The following PRR11 variants were observed in gnomAD, a reference collection of about 807,000 sequenced individuals.
PRR11 encodes proline-rich protein 11.
A neutral mutation model predicts 45.6 loss-of-function variants in PRR11; 30 were observed. The observed-to-expected ratio is 0.66, with a 90% CI of 0.49 to 0.89. The LOEUF is 0.89. PRR11 is among the 40% of genes least tolerant of loss of function. PRR11 has a pLI of 0.00. For missense variants in PRR11, 373 were observed against 424.8 expected (o/e 0.88, Z 1.07); for synonymous variants, 128 against 153.5 (o/e 0.83, Z 1.23).
chr17:59,198,879 A>G (rs1156520277), intron 9 of PRR11, among the ~76,000 whole-genome samples: 1 of 152,134 alleles, frequency 6.6e-6, no homozygotes, highest in Non-Finnish European at 1.5e-5. Flanking sequence ...TATCATGTCT[A>G]TCTGTAAATG....
chr17:59,168,313 C>T (rs147701677), intron 1 of PRR11, among the ~76,000 whole-genome samples: 144 of 151,410 alleles, frequency 9.5e-4, no homozygotes, highest in African/African-American at 3.4e-3. Flanking sequence ...GGACCACAGG[C>T]ACCGTGCCAC....
At chr17:59,181,848 C>T in intron 2 of PRR11, 5 of 1,474,906 alleles carry the variant, frequency 3.4e-6, no homozygotes, top group Non-Finnish European at 4.6e-6. Context: ...CCTCCCCAGC[C>T]TTGCAGACTG....
chr17:59,180,496 G>GTTTTTTTTTTT (rs746347460), intron 2 of PRR11, among the ~76,000 whole-genome samples: 26 of 101,362 alleles, frequency 2.6e-4, no homozygotes, highest in African/African-American at 1.3e-3. Flanking sequence ...GCCCGTCCTT[G>GTTTTTTTTTTT]TTTTTTTTTT....
At chr17:59,181,847 C>A (rs373518780) in intron 2 of PRR11, 1 of 1,475,272 alleles carries the variant, frequency 6.8e-7, no homozygotes. Context: ...TCCTCCCCAG[C>A]CTTGCAGACT....
At chr17:59,183,072 T>G (rs1483385919) in intron 2 of PRR11, among the ~76,000 whole-genome samples, 1 of 152,154 alleles carries the variant, frequency 6.6e-6, no homozygotes, top group Non-Finnish European at 1.5e-5. Flanking sequence ...GGTTGGAATC[T>G]CTGATGTCAT....
Position 59,193,664 on chromosome 17 carries a change from C to T in PRR11, c.575C>T (p.Pro192Leu), listed in dbSNP as rs1253043482. Residue 192 changes from proline to leucine, a missense_variant, in exon 5 of 10, where the codon CCT becomes CTT. Transcript: ENST00000262293. Reference sequence around the variant, plus strand: ...TTTCCTCCTCCTCCTCCACCTCCACCTCTGCCACCTCCTCCACCACCACTA... The same window carrying T: ...TTTCCTCCTCCTCCTCCACCTCCACTTCTGCCACCTCCTCCACCACCACTA... ...SHFPPPPPPP[P>L]LPPPPPPLAP... The T allele has an allele frequency of 1.2e-6, 2 of 1,614,152 alleles. No homozygotes were observed. Among genetic ancestry groups the T allele is most frequent in the Non-Finnish European group, 1.7e-6 (2 of 1,179,984 alleles).
intron 7 of PRR11, 93 bp from the exon 8 acceptor site, chr17:59,197,451 C>A: frequency 8.5e-7 from 1 of 1,174,384 alleles, no homozygotes; most frequent in Non-Finnish European, 1.2e-6. Flanking sequence ...CAAGGTTTCA[C>A]CGTGTTAGCA....
intron 4 of PRR11, among the ~76,000 whole-genome samples, chr17:59,187,480 G>A (rs1445400110): frequency 6.6e-6 from 1 of 152,086 alleles, no homozygotes. Context: ...TGAGGCAGGT[G>A]AATTGCTTGA....
chr17:59,181,908 G>A, intron 2 of PRR11: 1 of 1,201,442 alleles, frequency 8.3e-7, no homozygotes. Context: ...TCAACCCCAT[G>A]AGCCGCTCCT....
At chr17:59,181,960 C>G (rs181504660) in intron 2 of PRR11, among the ~76,000 whole-genome samples, 2 of 151,422 alleles carry the variant, frequency 1.3e-5, no homozygotes, top group Non-Finnish European at 2.9e-5. Context: ...CAGAACACTT[C>G]TTCATGTCCT....
intron 2 of PRR11, among the ~76,000 whole-genome samples, chr17:59,171,586 A>G (rs1568319594): frequency 6.6e-6 from 1 of 152,134 alleles, no homozygotes; most frequent in Non-Finnish European, 1.5e-5. Context: ...TTACAGGAAC[A>G]GTATCCAAAA....
At chr17:59,178,384 A>T (rs2046760914) in intron 2 of PRR11, 1 of 451,700 alleles carries the variant, frequency 2.2e-6, no homozygotes, top group African/African-American at 2.0e-5. Flanking sequence ...CTGGAGGGAG[A>T]GAAGAGAGGA....
rs1406151271 is a variant in PRR11, at chr17:59,202,366, G to A, written c.*735G>A. 1.3e-5 allele frequency: 2 copies of A among 152,126 alleles called. No individual in the cohort carries two copies. The highest frequency in any genetic ancestry group is 2.9e-5 in the Non-Finnish European group (2 of 68,038). 9.4% of individuals were successfully genotyped at this position (152,126 alleles called of 1,614,324 possible). A position where few individuals can be genotyped will look rare whatever the true frequency, so the allele number is the denominator to read the frequency against. Reference sequence around the variant, plus strand: ...GCTTGAGCCCAGGAATTCAAGACTAGCCTGGGCAACATAATACAGGGAGAC... The same window carrying A: ...GCTTGAGCCCAGGAATTCAAGACTAACCTGGGCAACATAATACAGGGAGAC... On this transcript the variant is annotated 3_prime_UTR_variant, in exon 10 of 10. Transcript: ENST00000262293.
intron 2 of PRR11, among the ~76,000 whole-genome samples, chr17:59,172,375 G>A (rs2046713626): frequency 6.6e-6 from 1 of 152,254 alleles, no homozygotes; most frequent in Admixed American, 6.5e-5. Context: ...CGTGCTGGCA[G>A]CCCTCGCTCG....
intron 2 of PRR11, among the ~76,000 whole-genome samples, chr17:59,177,637 A>G (rs1332059645): frequency 2.0e-5 from 3 of 152,150 alleles, no homozygotes; most frequent in African/African-American, 7.2e-5. Flanking sequence ...TCAGATCCCA[A>G]ATGACCCATA....
chr17:59,161,881 T>G (rs1342535225), intron 1 of PRR11, among the ~76,000 whole-genome samples: 1 of 152,178 alleles, frequency 6.6e-6, no homozygotes, highest in African/African-American at 2.4e-5. Flanking sequence ...GGGATAAGTA[T>G]ACGTATTTTA....
intron 1 of PRR11, among the ~76,000 whole-genome samples, chr17:59,163,991 G>C (rs965263050): frequency 6.6e-6 from 1 of 151,988 alleles, no homozygotes; most frequent in Non-Finnish European, 1.5e-5. Context: ...CTTGAACTTG[G>C]GGGGTGGGCG....
At chr17:59,184,019 C>T (rs758693139) in intron 2 of PRR11, among the ~76,000 whole-genome samples, 15 of 152,120 alleles carry the variant, frequency 9.9e-5, no homozygotes, top group Non-Finnish European at 1.8e-4. Context: ...ACAGGAAGAT[C>T]GCTTGAGCCC....
chr17:59,181,418 C>T (rs1205535819), intron 2 of PRR11: 4 of 892,720 alleles, frequency 4.5e-6, no homozygotes, highest in African/African-American at 1.7e-5. Context: ...CCACTGGGGG[C>T]ATATTTTTCC....
Sources: gnomAD v4.1 joint callset for allele counts (sites outside exome capture counted in the v4.1 genomes callset) on GRCh38, gnomAD v4.1.1 for gene constraint, MANE v1.5 for transcripts, NCBI Gene and HGNC (gene_info 2026-07-23, HGNC 2026-07-21) for gene names.